AFF1: variants seen among roughly 807,000 people sequenced by gnomAD.
AFF1 encodes the protein AF4/FMR2 family member 1.
Under a neutral mutation model 121.7 loss-of-function variants are expected in AFF1, and 48 were observed. The ratio of observed to expected loss-of-function variants is 0.39; its 90% CI spans 0.31 to 0.50. The LOEUF is 0.50. Ranked by LOEUF, AFF1 falls within the 20% of genes least tolerant of loss-of-function variation. AFF1 has a pLI of 0.76. For synonymous variants in AFF1, 613 were observed against 563.0 expected (o/e 1.09, Z -1.26); for missense variants, 1,523 against 1,511.7 (o/e 1.01, Z -0.12).
intron 4 of AFF1, 82 bp from the exon 5 acceptor site, chr4:87,084,038 C>G: frequency 1.6e-6 from 2 of 1,267,308 alleles, no homozygotes; most frequent in Non-Finnish European, 2.3e-6. Context: ...ATGAGTATTG[C>G]TGCATTAATA....
chr4:86,946,791 A>G (rs1165834512), intron 1 of AFF1, among the ~76,000 whole-genome samples: 1 of 152,054 alleles, frequency 6.6e-6, no homozygotes, highest in East Asian at 1.9e-4. Context: ...TCTCAGATTG[A>G]TAGCCACCCA....
intron 2 of AFF1, among the ~76,000 whole-genome samples, chr4:86,951,623 C>CTTTTTTTTTTTTTTTTTTTTTT (rs1285365564): frequency 2.9e-5 from 2 of 69,414 alleles, no homozygotes; most frequent in African/African-American, 4.6e-5. Flanking sequence ...TTCTTTTTTT[C>CTTTTTTTTTTTTTTTTTTTTTT]TTTTTTTTTT....
rs3035477 is a variant in AFF1 at position 86,963,963 on chromosome 4, G to GTTTTTTTTTTTTT, written c.38+15401_38+15413dup. ...GGTGTGAGTCACCATGACTAGACTG[G>GTTTTTTTTTTTTT]TTTTTTTTTTTTTTTTTTTTTAGTA... On this transcript the variant is annotated intron_variant, in intron 2 of 20. Transcript: ENST00000395146. Among the ~76,000 whole-genome samples the GTTTTTTTTTTTTT allele has an allele frequency of 7.7e-4, 80 of 104,318 alleles. 1 individual carries two copies. The highest frequency in any genetic ancestry group is 1.2e-3 in the African/African-American group (31 of 26,206). The allele number at this position is 104,318 out of a possible 152,430, so 68.4% of individuals were successfully genotyped here.
At chr4:87,062,533 G>GT (rs781197468) in intron 4 of AFF1, among the ~76,000 whole-genome samples, 21 of 151,958 alleles carry the variant, frequency 1.4e-4, no homozygotes, top group Non-Finnish European at 2.4e-4. Context: ...TAAAATATAT[G>GT]TTTTTTTTCC....
intron 2 of AFF1, among the ~76,000 whole-genome samples, chr4:87,012,800 A>T (rs1262582200): frequency 2.0e-5 from 3 of 152,158 alleles, no homozygotes; most frequent in African/African-American, 4.8e-5. Context: ...CTTTAAAACC[A>T]TGCAAATTGC....
chr4:87,066,977 G>C (rs1351950153), intron 4 of AFF1, among the ~76,000 whole-genome samples: 1 of 152,216 alleles, frequency 6.6e-6, no homozygotes, highest in Non-Finnish European at 1.5e-5. Context: ...AGAGTCTGCA[G>C]CTGTTTACGA....
At position 87,135,613 on chromosome 4, in the gene AFF1, C is replaced by A; in HGVS notation, c.3569C>A (p.Thr1190Asn). The stretch of plus-strand genomic sequence containing the variant: ...GCTCGGCTCAGCACAAATGTGTGCA[C>A]CTTGGCCCTCAACAGCAGTTTGGTG... ...FFARLSTNVCTLALNSSLVDL... is the reference protein window; with the variant it reads ...FFARLSTNVCNLALNSSLVDL... Residue 1190 changes from threonine (T) to asparagine (N), a missense_variant, in exon 21 of 21, where the codon ACC (threonine) becomes AAC (asparagine). Physicochemically the swap from Thr to Asn is moderately conservative, Grantham distance 65. This residue lies in a region of AFF1 where 241 missense variants were observed against 265.2 expected (regional missense o/e 0.91). Coordinates refer to ENST00000395146, the MANE Select transcript of AFF1 (RefSeq NM_001166693.3). The A allele has an allele frequency of 6.2e-7, 1 of 1,610,914 alleles. No individual in the cohort carries two copies. The highest frequency in any genetic ancestry group is 8.5e-7 in the Non-Finnish European group (1 of 1,178,444).
At chr4:87,115,625 T>TTTTTTTTTTTTTTTTC (rs397994396) in intron 12 of AFF1, among the ~76,000 whole-genome samples, 1,468 of 102,692 alleles carry the variant, frequency 0.014, 206 homozygotes, top group East Asian at 0.037. Context: ...TTTTTTTTTT[T>TTTTTTTTTTTTTTTTC]CCAAAGACAG....
Position 87,126,334 on chromosome 4 carries a change from A to G in AFF1, c.2809A>G (p.Lys937Glu). The change falls in exon 14 of 21, where the codon AAG becomes GAG. Residue 937 changes from lysine (K) to glutamate (E), a missense_variant and splice_region_variant. Transcript: ENST00000395146. ...GGGCTCCAGAAGCTCCTCGGAGCAC[A>G]AGGTGAGCAGGGGCGGCGGTCACTC... Reference protein sequence around the residue: ...GKGSRSSSEHKGSSGDTANPF... With the variant: ...GKGSRSSSEHEGSSGDTANPF... The G allele has an allele frequency of 1.9e-6, 3 of 1,613,796 alleles. No individual in the cohort carries two copies. Among genetic ancestry groups the G allele is most frequent in the South Asian group, 2.2e-5 (2 of 91,066 alleles).
intron 8 of AFF1, among the ~76,000 whole-genome samples, chr4:87,104,197 G>T (rs556409574): frequency 9.9e-5 from 15 of 152,212 alleles, no homozygotes; most frequent in African/African-American, 3.6e-4. Context: ...ACTTGAACCC[G>T]GAGCTCTAGA....
intron 4 of AFF1, among the ~76,000 whole-genome samples, chr4:87,071,497 G>T (rs970885683): frequency 6.6e-6 from 1 of 152,086 alleles, no homozygotes; most frequent in African/African-American, 2.4e-5. Flanking sequence ...AGAAATTCAA[G>T]TTGAAAGACC....
chr4:87,063,689 A>G (rs1578174477), intron 4 of AFF1, among the ~76,000 whole-genome samples: 2 of 152,332 alleles, frequency 1.3e-5, no homozygotes, highest in South Asian at 2.1e-4. Flanking sequence ...TCTACTTCAC[A>G]TTTAAATGGG....
At chr4:87,022,580 A>ATCTATCTATC (rs1553918449) in intron 2 of AFF1, among the ~76,000 whole-genome samples, 2 of 89,358 alleles carry the variant, frequency 2.2e-5, no homozygotes, top group African/African-American at 1.1e-4. Context: ...ATATATATAT[A>ATCTATCTATC]TATCTATCTA....
intron 1 of AFF1, among the ~76,000 whole-genome samples, chr4:86,940,518 C>A (rs1434221426): frequency 6.6e-6 from 1 of 152,162 alleles, no homozygotes; most frequent in Non-Finnish European, 1.5e-5. Context: ...TCTGCCTCAG[C>A]CACTCGAATA....
rs928847941 is a variant in AFF1, at chr4:86,984,569, C to T, written c.38+35998C>T. 2.4e-4 allele frequency among the ~76,000 whole-genome samples: 36 copies of T among 152,152 alleles called. 1 individual carries two copies. The highest frequency in any genetic ancestry group is 1.6e-3 in the East Asian group (8 of 5,154). ...GAACTCTGAGCTCAGGCAGTCCGCC[C>T]GCCTCGGCCTCCCAAAGTGCTAGGA... On this transcript the variant is annotated intron_variant, in intron 2 of 20. Coordinates refer to ENST00000395146, the MANE Select transcript of AFF1 (RefSeq NM_001166693.3).
chr4:87,064,917 C>T lies in AFF1; in HGVS notation c.1059+17323C>T, dbSNP rs376636698. On this transcript the variant is annotated intron_variant, in intron 4 of 20. Coordinates refer to ENST00000395146, the MANE Select transcript of AFF1 (RefSeq NM_001166693.3). ...AGCCGGGTGTTGTGGCATGCACCTGCGGTCCCAGCTGCTCAGGAGGCTGAG... is the reference window on the plus strand; with the variant it reads ...AGCCGGGTGTTGTGGCATGCACCTGTGGTCCCAGCTGCTCAGGAGGCTGAG... Among the ~76,000 whole-genome samples, 40 of 149,864 alleles carry T rather than the reference C, an allele frequency of 2.7e-4. 1 individual carries two copies. The highest frequency in any genetic ancestry group is 9.8e-4 in the East Asian group (5 of 5,092).
chr4:86,979,838 G>A (rs941022722), intron 2 of AFF1, among the ~76,000 whole-genome samples: 3 of 152,230 alleles, frequency 2.0e-5, no homozygotes, highest in Non-Finnish European at 4.4e-5. Context: ...AGGAGAATTT[G>A]ACAATATGTA....
At chr4:87,019,887 G>GGT (rs1553918045) in intron 2 of AFF1, among the ~76,000 whole-genome samples, 7 of 138,776 alleles carry the variant, frequency 5.0e-5, no homozygotes, top group South Asian at 2.4e-4. Flanking sequence ...AAGGGGTCGG[G>GGT]GGGGGGCAGT....
Position 87,047,463 on chromosome 4 carries a change from GC to G in AFF1, c.932del (p.Pro311LeufsTer7). ...CCGGCCCATGGATGGTCAAGATCAG[GC>G]CCCTAGTGAATCCCCTGAACTGAAA... ...YVRPMDGQDQ[A>X]PSESPELKPL... On this transcript the variant is annotated frameshift_variant, in exon 4 of 21. Transcript: ENST00000395146. LOFTEE classifies it high-confidence loss of function. The G allele has an allele frequency of 6.2e-7, 1 of 1,614,148 alleles. No individual in the cohort carries two copies. Among genetic ancestry groups the G allele is most frequent in the Non-Finnish European group, 8.5e-7 (1 of 1,180,016 alleles).
Sources: gnomAD v4.1 joint callset for allele counts (sites outside exome capture counted in the v4.1 genomes callset) on GRCh38, gnomAD v4.1.1 for gene constraint, gnomAD v4.1.1 regional missense constraint, MANE v1.5 for transcripts, NCBI Gene and HGNC (gene_info 2026-07-23, HGNC 2026-07-21) for gene names.